Variants in LPIN2 observed in about 807,000 individuals in gnomAD.
The protein encoded by LPIN2 is phosphatidate phosphatase LPIN2.
In LPIN2, 55 loss-of-function variants were observed where a neutral mutation model predicts 111.4. The ratio of observed to expected loss-of-function variants is 0.49; its 90% CI spans 0.40 to 0.62. The LOEUF (loss-of-function observed/expected upper bound fraction) is 0.62, where lower values mean the gene tolerates loss of function less well. Among genes scored for constraint, LPIN2 ranks in the 20% least tolerant of loss-of-function variants. The probability of loss-of-function intolerance (pLI) is 0.00; values close to 1 mark genes in which losing one functional copy is unlikely to be tolerated. For synonymous variants in LPIN2, 425 were observed against 414.0 expected, an observed-to-expected ratio of 1.03 and a Z score of -0.32; for missense variants, 992 against 1,112.1, an observed-to-expected ratio of 0.89 and a Z score of 1.54.
In LPIN2 at chr18:2,992,827, C is replaced by CA. The variant is rs978516421; in HGVS notation, c.-10+20259dup. Among the ~76,000 whole-genome samples, 38 of 150,716 alleles carry CA rather than the reference C, an allele frequency of 2.5e-4. No individual in the cohort carries two copies. In the East Asian group the frequency reaches 6.4e-3, roughly 25 times the overall value. The stretch of plus-strand genomic sequence containing the variant: ...TGAAACCATGTCTCTACTAAAAATA[C>CA]AAAAAAAAATTAGCCAGGCCTGGTG... On this transcript the variant is annotated intron_variant, in intron 1 of 19. Coordinates refer to ENST00000677752, the MANE Select transcript of LPIN2 (RefSeq NM_001375808.2).
intron 4 of LPIN2, chr18:2,945,703 T>A: frequency 7.8e-7 from 1 of 1,289,896 alleles, no homozygotes; most frequent in Non-Finnish European, 1.1e-6. Flanking sequence ...CCCCATAATT[T>A]CACATTTTGA....
At chr18:2,957,690 T>C (rs1026637428) in intron 2 of LPIN2, among the ~76,000 whole-genome samples, 1 of 152,098 alleles carries the variant, frequency 6.6e-6, no homozygotes, top group African/African-American at 2.4e-5. Flanking sequence ...CCTGGAGGTA[T>C]TGGTGGCCAT....
At chr18:2,993,946 C>T (rs2078303583) in intron 1 of LPIN2, among the ~76,000 whole-genome samples, 1 of 152,094 alleles carries the variant, frequency 6.6e-6, no homozygotes, top group South Asian at 2.1e-4. Context: ...TCTGCAGACC[C>T]CAAGTAAAAA....
At position 2,946,809 on chromosome 18, in the gene LPIN2, T is replaced by C. The variant is rs147100188; in HGVS notation, c.590+4246A>G. The C allele has an allele frequency of 2.8e-3, 1,226 of 439,004 alleles. 20 individuals carry two copies. Among genetic ancestry groups the C allele is most frequent in the African/African-American group, 0.022 (1,098 of 49,610 alleles). The allele number at this position is 439,004 out of a possible 1,614,324, so 27.2% of individuals were successfully genotyped here. On this transcript the variant is annotated intron_variant, in intron 4 of 19. Transcript: ENST00000677752. Reference sequence around the variant, plus strand: ...GACCACTAACTCTGTTAACAACGTCTAGCAGCAACCTTAGCACAGTACGAG... The same window carrying C: ...GACCACTAACTCTGTTAACAACGTCCAGCAGCAACCTTAGCACAGTACGAG...
At chr18:2,955,970 A>C (rs926300327) in intron 2 of LPIN2, among the ~76,000 whole-genome samples, 1 of 152,164 alleles carries the variant, frequency 6.6e-6, no homozygotes, top group African/African-American at 2.4e-5. Context: ...CCTATGTATG[A>C]ATAACATAAC....
chr18:2,938,790 A>AAT (rs2077327545), intron 6 of LPIN2, among the ~76,000 whole-genome samples: 1 of 152,228 alleles, frequency 6.6e-6, no homozygotes, highest in African/African-American at 2.4e-5. Flanking sequence ...TCTCTCAAGA[A>AAT]ATTTATCTTC....
At chr18:2,972,662 A>T (rs1214023956) in intron 1 of LPIN2, among the ~76,000 whole-genome samples, 1 of 152,212 alleles carries the variant, frequency 6.6e-6, no homozygotes, top group Non-Finnish European at 1.5e-5. Flanking sequence ...GCTTAAGGAG[A>T]TCCTAAAACG....
At chr18:2,920,754 G>T in intron 19 of LPIN2, 24 bp downstream of exon 19, 1 of 1,577,912 alleles carries the variant, frequency 6.3e-7, no homozygotes. Flanking sequence ...AGGGCGCCGG[G>T]CTGAGAGCTG....
intron 2 of LPIN2, among the ~76,000 whole-genome samples, chr18:2,959,172 G>C (rs1224314730): frequency 6.6e-6 from 1 of 152,112 alleles, no homozygotes; most frequent in Non-Finnish European, 1.5e-5. Context: ...GCTTTCTAAA[G>C]GGTGACTCTG....
intron 4 of LPIN2, among the ~76,000 whole-genome samples, chr18:2,943,486 C>A (rs1455401478): frequency 6.6e-6 from 1 of 151,578 alleles, no homozygotes; most frequent in Non-Finnish European, 1.5e-5. Context: ...ATCAATGTAA[C>A]TAATCTGAGG....
At chr18:2,968,739 G>T (rs920321403) in intron 1 of LPIN2, among the ~76,000 whole-genome samples, 1 of 152,180 alleles carries the variant, frequency 6.6e-6, no homozygotes, top group Non-Finnish European at 1.5e-5. Flanking sequence ...AAGTTTGAGG[G>T]ACAAGAGTGA....
chr18:2,936,380 A>C (rs2077285383), intron 7 of LPIN2, among the ~76,000 whole-genome samples: 1 of 152,154 alleles, frequency 6.6e-6, no homozygotes, highest in Non-Finnish European at 1.5e-5. Flanking sequence ...TCAAATAGTA[A>C]GGATGTTCTG....
chr18:2,949,664 A>G (rs1330610486), intron 4 of LPIN2, among the ~76,000 whole-genome samples: 1 of 152,220 alleles, frequency 6.6e-6, no homozygotes, highest in Non-Finnish European at 1.5e-5. Flanking sequence ...ATTGTAAAAA[A>G]TTACTATCAA....
At chr18:2,931,540 A>T in intron 8 of LPIN2, 97 bp from the exon 9 acceptor site, 1 of 1,199,244 alleles carries the variant, frequency 8.3e-7, no homozygotes, top group Middle Eastern at 2.7e-4. Context: ...CAAATAACAC[A>T]TCCGCTAAAA....
chr18:2,944,791 AAC>A (rs1175082555), intron 4 of LPIN2, among the ~76,000 whole-genome samples: 1 of 152,184 alleles, frequency 6.6e-6, no homozygotes, highest in African/African-American at 2.4e-5. Flanking sequence ...ACACCATACA[AAC>A]ACATTTAAAT....
At chr18:2,991,926 C>T (rs1046060985) in intron 1 of LPIN2, among the ~76,000 whole-genome samples, 4 of 151,490 alleles carry the variant, frequency 2.6e-5, no homozygotes, top group East Asian at 1.9e-4. Flanking sequence ...AGAGAACTGC[C>T]GAACACAGGA....
intron 1 of LPIN2, among the ~76,000 whole-genome samples, chr18:2,997,377 TCAGCCTCCCAAAGTGCTGGGATTA>T (rs1186246382): frequency 1.6e-5 from 2 of 123,532 alleles, no homozygotes; most frequent in Non-Finnish European, 3.9e-5. Flanking sequence ...TCCACCCTCC[TCAGCCTCCCAAAGTGCTGGGATTA>T]CAAGCATGAG....
intron 9 of LPIN2, among the ~76,000 whole-genome samples, chr18:2,929,389 T>C (rs1032593884): frequency 6.6e-6 from 1 of 151,682 alleles, no homozygotes; most frequent in Non-Finnish European, 1.5e-5. Context: ...ACAAACAAAC[T>C]AGTAAAAAGG....
chr18:2,921,959 C>T, intron 17 of LPIN2, 88 bp downstream of exon 17: 2 of 1,495,212 alleles, frequency 1.3e-6, no homozygotes, highest in African/African-American at 1.4e-5. Flanking sequence ...CAACATCTGA[C>T]TTCTGTTCCC....
Sources: allele counts gnomAD v4.1 joint callset (sites outside exome capture counted in the v4.1 genomes callset), GRCh38; gene constraint gnomAD v4.1.1; transcripts MANE v1.5; gene names NCBI Gene and HGNC (gene_info 2026-07-23, HGNC 2026-07-21).